The following NEXN variants were observed in gnomAD, a reference collection of about 807,000 sequenced individuals.
The protein encoded by NEXN is nexilin F-actin binding protein.
NEXN carries 65 observed loss-of-function variants against 92.6 expected under a neutral mutation model. That is an observed-to-expected ratio of 0.70 (90% confidence interval 0.57 to 0.86). NEXN has a LOEUF of 0.86. Among genes scored for constraint, NEXN ranks in the 40% least tolerant of loss-of-function variants. NEXN has a pLI of 0.00. For synonymous variants in NEXN, 254 were observed against 242.5 expected (o/e 1.05, Z -0.44); for missense variants, 778 against 771.1 (o/e 1.01, Z -0.11).
At chr1:77,938,676 G>A (rs1650994939) in intron 11 of NEXN, among the ~76,000 whole-genome samples, 1 of 151,710 alleles carries the variant, frequency 6.6e-6, no homozygotes, top group African/African-American at 2.4e-5. Context: ...AGTTATTACA[G>A]AATCAAATTG....
chr1:77,918,803 A>C (rs1346825703), intron 5 of NEXN, among the ~76,000 whole-genome samples: 3 of 152,202 alleles, frequency 2.0e-5, no homozygotes, highest in African/African-American at 7.2e-5. Context: ...ATCATATACA[A>C]TCTTACCGCT....
chr1:77,894,102 G>A (rs1647167165), intron 1 of NEXN, among the ~76,000 whole-genome samples: 1 of 151,818 alleles, frequency 6.6e-6, no homozygotes, highest in Non-Finnish European at 1.5e-5. Flanking sequence ...AGGGTTACAA[G>A]CATGCGCCAC....
intron 11 of NEXN, among the ~76,000 whole-genome samples, chr1:77,940,896 A>G (rs1208712768): frequency 6.6e-6 from 1 of 152,180 alleles, no homozygotes; most frequent in Non-Finnish European, 1.5e-5. Flanking sequence ...CACAAAATAG[A>G]ATTTACGCAC....
intron 12 of NEXN, 45 bp from the exon 13 acceptor site, chr1:77,942,416 G>C (rs1385197217): frequency 1.3e-6 from 2 of 1,595,896 alleles, no homozygotes; most frequent in African/African-American, 2.7e-5. Context: ...TCGCTGCCCT[G>C]AAAATACTAT....
At chr1:77,933,581 AG>A in intron 10 of NEXN, 102 bp downstream of exon 10, 2 of 906,308 alleles carry the variant, frequency 2.2e-6, no homozygotes, top group Non-Finnish European at 1.8e-6. Flanking sequence ...CCTTTAGGAT[AG>A]TTGACATAGT....
At chr1:77,895,638 C>A (rs532056470) in intron 1 of NEXN, among the ~76,000 whole-genome samples, 1 of 152,138 alleles carries the variant, frequency 6.6e-6, no homozygotes, top group Non-Finnish European at 1.5e-5. Flanking sequence ...GCAAGGCAGG[C>A]GGATCTCTTG....
intron 11 of NEXN, among the ~76,000 whole-genome samples, chr1:77,941,345 AATT>A (rs1457613688): frequency 9.2e-5 from 14 of 152,214 alleles, no homozygotes; most frequent in East Asian, 3.9e-4. Context: ...ATCATTACCA[AATT>A]ATTATTTTCC....
intron 11 of NEXN, among the ~76,000 whole-genome samples, chr1:77,939,973 T>C (rs1177691226): frequency 1.3e-5 from 2 of 151,968 alleles, no homozygotes; most frequent in East Asian, 1.9e-4. Flanking sequence ...ACACAGGAGG[T>C]TGAGGCAGGA....
At chr1:77,915,610 A>G (rs1213289361) in intron 1 of NEXN, among the ~76,000 whole-genome samples, 2 of 152,246 alleles carry the variant, frequency 1.3e-5, no homozygotes, top group Non-Finnish European at 2.9e-5. Flanking sequence ...CCTGGGCGAC[A>G]GAGTGAGATT....
intron 1 of NEXN, 114 bp downstream of exon 1, chr1:77,888,873 CTTCTGGCCGTGCT>C (rs1647035052): frequency 6.5e-6 from 1 of 152,944 alleles, no homozygotes; most frequent in African/African-American, 2.4e-5. Flanking sequence ...GGGTCTGCGG[CTTCTGGCCGTGCT>C]CCGCTGCAGC....
At chr1:77,931,507 C>T (rs918522254) in intron 9 of NEXN, among the ~76,000 whole-genome samples, 3 of 150,694 alleles carry the variant, frequency 2.0e-5, no homozygotes, top group African/African-American at 7.3e-5. Context: ...ATTTGTAGGC[C>T]AATACTGCCT....
Position 77,935,915 on chromosome 1 carries a change from A to T in NEXN, c.1344A>T (p.Leu448=). The change falls in exon 11 of 13, where the codon CTA becomes CTT. Residue 448 remains leucine (L), a synonymous_variant. Coordinates refer to ENST00000334785, the MANE Select transcript of NEXN (RefSeq NM_144573.4). The stretch of plus-strand genomic sequence containing the variant: ...GTGGCTCTATTCAAGCTAAAAACCT[A>T]AAAAGCAAGTTTGAAAAAATTGGAC... ...KRSGSIQAKN[L]KSKFEKIGQL... is the part of the protein sequence containing the mutation. 1 of 1,614,046 alleles carries T rather than the reference A, an allele frequency of 6.2e-7. No homozygotes were observed. Among genetic ancestry groups the T allele is most frequent in the Non-Finnish European group, 8.5e-7 (1 of 1,179,982 alleles).
chr1:77,938,378 C>T lies in NEXN; in HGVS notation c.1473+2334C>T, dbSNP rs183223238. Reference sequence around the variant, plus strand: ...AAGAAGTTTAGTCTACAGCCGGGTGCGGTGGCTCACACCTGTAATCCCGGC... The same window carrying T: ...AAGAAGTTTAGTCTACAGCCGGGTGTGGTGGCTCACACCTGTAATCCCGGC... On this transcript the variant is annotated intron_variant, in intron 11 of 12. Coordinates refer to ENST00000334785, the MANE Select transcript of NEXN (RefSeq NM_144573.4). Among the ~76,000 whole-genome samples the T allele has an allele frequency of 1.9e-4, 29 of 152,104 alleles. No individual in the cohort carries two copies. The East Asian group carries it at 4.8e-3, about 25-fold the overall frequency.
intron 1 of NEXN, among the ~76,000 whole-genome samples, chr1:77,895,930 C>T (rs746556573): frequency 6.6e-6 from 1 of 151,936 alleles, no homozygotes. Flanking sequence ...AATCCCAGCA[C>T]TTTGGTAGGC....
intron 1 of NEXN, among the ~76,000 whole-genome samples, chr1:77,906,763 T>A (rs1648142235): frequency 6.6e-6 from 1 of 152,054 alleles, no homozygotes; most frequent in Non-Finnish European, 1.5e-5. Flanking sequence ...CAAGTGATCC[T>A]CTTGCCTCAG....
chr1:77,926,594 T>C lies in NEXN; in HGVS notation c.670T>C (p.Cys224Arg). ...EQRPSLKEAK[C>R]LSLVMDDEIE... ...ACGACCATCTCTCAAGGAAGCAAAG[T>C]GTCTTTCATTAGTTATGGTAAATTT... is the stretch of plus-strand genomic sequence containing the variant. Residue 224 changes from cysteine (C) to arginine (R), a missense_variant, in exon 7 of 13, where the codon TGT (cysteine) becomes CGT (arginine). Physicochemically the swap from Cys to Arg is radical, Grantham distance 180. Transcript: ENST00000334785. 6.2e-7 allele frequency: 1 copy of C among 1,613,956 alleles called. No homozygotes were observed. Among genetic ancestry groups the C allele is most frequent in the South Asian group, 1.1e-5 (1 of 91,084 alleles).
chr1:77,942,153 AAAAGTTACT>A lies in NEXN; in HGVS notation c.1606_1614del (p.Lys536_Leu538del). ...GAAGAACAAAGAAGAATTGAAGAAC[AAAAGTTACT>A]ACGCATGCAGTTTGAACAAAGGGAA... On this transcript the variant is annotated inframe_deletion, in exon 12 of 13. Transcript: ENST00000334785. The A allele has an allele frequency of 6.2e-7, 1 of 1,613,826 alleles. No homozygotes were observed.
intron 11 of NEXN, among the ~76,000 whole-genome samples, chr1:77,938,442 A>G (rs1231879958): frequency 2.0e-5 from 3 of 152,072 alleles, no homozygotes; most frequent in African/African-American, 7.2e-5. Context: ...CCAGGTCAAG[A>G]GATCGAGACC....
chr1:77,907,567 G>A (rs1172917476), intron 1 of NEXN, among the ~76,000 whole-genome samples: 1 of 152,166 alleles, frequency 6.6e-6, no homozygotes, highest in Non-Finnish European at 1.5e-5. Flanking sequence ...GTTAAGGCTA[G>A]TGCTGTTCAA....
Sources: allele counts gnomAD v4.1 joint callset (sites outside exome capture counted in the v4.1 genomes callset), GRCh38; gene constraint gnomAD v4.1.1; transcripts MANE v1.5; gene names NCBI Gene and HGNC (gene_info 2026-07-23, HGNC 2026-07-21).